TMEM178B: variants seen among roughly 807,000 people sequenced by gnomAD.
The protein encoded by TMEM178B is transmembrane protein 178B.
TMEM178B carries 5 observed loss-of-function variants against 31.0 expected under a neutral mutation model. The ratio of observed to expected loss-of-function variants is 0.16; its 90% confidence interval spans 0.08 to 0.34. The LOEUF is 0.34. Ranked by LOEUF, TMEM178B falls within the 10% of genes least tolerant of loss-of-function variation. The pLI, the probability that TMEM178B is intolerant of heterozygous loss-of-function variation, is 1.00. For missense variants in TMEM178B, 275 were observed against 400.3 expected, an observed-to-expected ratio of 0.69 and a Z score of 2.67; for synonymous variants, 164 against 164.0, an observed-to-expected ratio of 1.00 and a Z score of 0.00.
At chr7:141,273,218 C>G (rs1798213377) in intron 2 of TMEM178B, among the ~76,000 whole-genome samples, 1 of 152,108 alleles carries the variant, frequency 6.6e-6, no homozygotes, top group South Asian at 2.1e-4. Flanking sequence ...TCACCAGAGG[C>G]TGGGAGTGGG....
At chr7:141,091,751 G>C (rs1407318817) in intron 1 of TMEM178B, among the ~76,000 whole-genome samples, 2 of 152,126 alleles carry the variant, frequency 1.3e-5, no homozygotes, top group East Asian at 3.8e-4. Context: ...TTTTAGAGAC[G>C]GAGTCTTGCT....
chr7:141,303,700 C>T (rs1301300379), intron 2 of TMEM178B, among the ~76,000 whole-genome samples: 1 of 152,160 alleles, frequency 6.6e-6, no homozygotes, highest in African/African-American at 2.4e-5. Flanking sequence ...TCCACCAATC[C>T]CCATCACCTG....
intron 1 of TMEM178B, among the ~76,000 whole-genome samples, chr7:141,204,999 T>G (rs902685157): frequency 6.6e-6 from 1 of 151,874 alleles, no homozygotes; most frequent in East Asian, 1.9e-4. Context: ...TTTTAAAAGT[T>G]TTTTTTTATA....
chr7:141,114,357 A>G (rs553185309), intron 1 of TMEM178B, among the ~76,000 whole-genome samples: 5 of 152,004 alleles, frequency 3.3e-5, no homozygotes, highest in African/African-American at 1.2e-4. Context: ...CTTCAGCTGC[A>G]CTGTATCTCC....
chr7:141,437,506 T>C (rs1016791420), intron 2 of TMEM178B, 102 bp from the exon 3 acceptor site: 1 of 1,455,816 alleles, frequency 6.9e-7, no homozygotes, highest in Non-Finnish European at 9.1e-7. Context: ...TTCCTGCTCC[T>C]GGAGGGCCAC....
intron 2 of TMEM178B, among the ~76,000 whole-genome samples, chr7:141,249,427 G>T (rs1169330833): frequency 2.0e-5 from 3 of 152,156 alleles, no homozygotes; most frequent in Non-Finnish European, 2.9e-5. Flanking sequence ...GTCTTTATCA[G>T]CAGTGTAAAA....
chr7:141,355,554 G>A (rs1481609988), intron 2 of TMEM178B, among the ~76,000 whole-genome samples: 1 of 152,236 alleles, frequency 6.6e-6, no homozygotes, highest in East Asian at 1.9e-4. Flanking sequence ...GTGGAGCCAG[G>A]TGAGCCTTGA....
chr7:141,377,936 C>G (rs949175578), intron 2 of TMEM178B, among the ~76,000 whole-genome samples: 1 of 152,126 alleles, frequency 6.6e-6, no homozygotes, highest in African/African-American at 2.4e-5. Context: ...TAAGAAATTA[C>G]CATTGGTACA....
chr7:141,120,648 T>TC (rs1355853859), intron 1 of TMEM178B, among the ~76,000 whole-genome samples: 3 of 152,122 alleles, frequency 2.0e-5, no homozygotes, highest in Admixed American at 6.6e-5. Flanking sequence ...TTCTCATATA[T>TC]CACCATGTTT....
intron 2 of TMEM178B, among the ~76,000 whole-genome samples, chr7:141,272,184 G>T (rs1798195854): frequency 6.6e-6 from 1 of 152,104 alleles, no homozygotes; most frequent in Non-Finnish European, 1.5e-5. Flanking sequence ...TTTTCTGAGG[G>T]CAATTCCTAA....
chr7:141,377,515 C>A (rs1436542182), intron 2 of TMEM178B, among the ~76,000 whole-genome samples: 8 of 151,612 alleles, frequency 5.3e-5, no homozygotes, highest in Non-Finnish European at 1.2e-4. Context: ...ACTAAAAATA[C>A]AAAAAATTAG....
intron 1 of TMEM178B, among the ~76,000 whole-genome samples, chr7:141,147,712 A>G (rs1795877640): frequency 6.6e-6 from 1 of 152,200 alleles, no homozygotes; most frequent in Admixed American, 6.5e-5. Flanking sequence ...ATCAGCTGAG[A>G]CAGAGAACAC....
the TMEM178B span, among the ~76,000 whole-genome samples, chr7:141,510,503 T>C: frequency 6.6e-6 from 1 of 151,368 alleles, no homozygotes; most frequent in Non-Finnish European, 1.5e-5. Flanking sequence ...CTGATCAACA[T>C]GGAGAAACCC....
chr7:141,422,285 A>G lies in TMEM178B; in HGVS notation c.497-15323A>G, dbSNP rs1259124011. 1.3e-5 allele frequency among the ~76,000 whole-genome samples: 2 copies of G among 152,122 alleles called. No individual in the cohort carries two copies. Among genetic ancestry groups the G allele is most frequent in the African/African-American group, 4.8e-5 (2 of 41,428 alleles). ...AAGGCTGGCTCTCCCTCTCTTGTAC[A>G]GGACTTTTGGGGTTCCTTTGGGAAA... On this transcript the variant is annotated intron_variant, in intron 2 of 3. Coordinates refer to ENST00000565468, the MANE Select transcript of TMEM178B (RefSeq NM_001195278.2). The surrounding 1 kb of genome is among the most constrained non-coding windows in gnomAD (Gnocchi z 4.2).
chr7:141,091,737 T>G (rs1012583532), intron 1 of TMEM178B, among the ~76,000 whole-genome samples: 2 of 152,206 alleles, frequency 1.3e-5, no homozygotes, highest in Admixed American at 6.5e-5. Flanking sequence ...TGTACTTTGT[T>G]AATTTTTAGA....
chr7:141,336,384 CT>C (rs2116499284), intron 2 of TMEM178B, among the ~76,000 whole-genome samples: 1 of 152,256 alleles, frequency 6.6e-6, no homozygotes, highest in Admixed American at 6.5e-5. Flanking sequence ...AAATGCTGAG[CT>C]TTTCAGAGAT....
intron 2 of TMEM178B, among the ~76,000 whole-genome samples, chr7:141,361,100 A>G (rs1392009125): frequency 1.3e-5 from 2 of 152,222 alleles, no homozygotes; most frequent in Non-Finnish European, 2.9e-5. Context: ...TACATTTTCC[A>G]GGACTGTGTG....
intron 2 of TMEM178B, among the ~76,000 whole-genome samples, chr7:141,386,802 G>A (rs900312282): frequency 6.6e-6 from 1 of 152,170 alleles, no homozygotes; most frequent in African/African-American, 2.4e-5. Context: ...TCCTGGGGTG[G>A]CTCATGAAAT....
intron 1 of TMEM178B, among the ~76,000 whole-genome samples, chr7:141,203,047 G>A (rs1337431616): frequency 2.0e-5 from 3 of 152,140 alleles, no homozygotes; most frequent in Non-Finnish European, 4.4e-5. Context: ...CCCAACTCTC[G>A]TGGTCTTCTA....
Sources: gnomAD v4.1 joint callset for allele counts (sites outside exome capture counted in the v4.1 genomes callset) on GRCh38, gnomAD v4.1.1 for gene constraint, Gnocchi (gnomAD v3.1) non-coding constraint, MANE v1.5 for transcripts, NCBI Gene and HGNC (gene_info 2026-07-23, HGNC 2026-07-21) for gene names.